The following AMPD3 variants were observed in gnomAD, a reference collection of about 807,000 sequenced individuals.
AMPD3 encodes the protein adenosine monophosphate deaminase 3, also known as AMP deaminase 3.
Under a neutral mutation model 82.3 loss-of-function variants are expected in AMPD3, and 57 were observed. That is an observed-to-expected ratio of 0.69 (90% CI 0.56 to 0.86). The LOEUF (loss-of-function observed/expected upper bound fraction) is 0.86, where lower values mean the gene tolerates loss of function less well. AMPD3 is among the 40% of genes least tolerant of loss of function. The probability of loss-of-function intolerance (pLI) is 0.00; values close to 1 mark genes in which losing one functional copy is unlikely to be tolerated. For synonymous variants in AMPD3, 381 were observed against 394.7 expected, an observed-to-expected ratio of 0.97 and a Z score of 0.41; for missense variants, 870 against 1,003.8, an observed-to-expected ratio of 0.87 and a Z score of 1.80.
Position 10,456,991 on chromosome 11 carries a change from T to TG in AMPD3, c.-6+1543_-6+1544insG, listed in dbSNP as rs1848113922. On this transcript the variant is annotated intron_variant, in intron 1 of 14. Transcript: ENST00000396553. The surrounding 1 kb of genome is among the most constrained non-coding windows in gnomAD (Gnocchi z 4.3). Reference sequence around the variant, plus strand: ...GTTGTTTCTTGCTTTTTTTTTTTTTTTTTTGAGAGAAGGTCTTGCTCTGTC... The same window carrying TG: ...GTTGTTTCTTGCTTTTTTTTTTTTTTGTTTTGAGAGAAGGTCTTGCTCTGTC... Among the ~76,000 whole-genome samples the TG allele has an allele frequency of 6.6e-6, 1 of 150,982 alleles. No homozygotes were observed. Among genetic ancestry groups the TG allele is most frequent in the Admixed American group, 6.6e-5 (1 of 15,224 alleles).
In AMPD3 at chr11:10,495,026, T is replaced by G; in HGVS notation, c.1262T>G (p.Val421Gly). 1 of 1,614,138 alleles carries G rather than the reference T, an allele frequency of 6.2e-7. No individual in the cohort carries two copies. The highest frequency in any genetic ancestry group is 8.5e-7 in the Non-Finnish European group (1 of 1,179,998). ...YLGGEYFARM[V>G]KEVARELEES... ...GGAGGAGAGTACTTTGCTCGGATGG[T>G]CAAGGTGAGTGAACCCTCAGTCTCT... Residue 421 changes from valine (V) to glycine (G), a missense_variant, in exon 8 of 15, where the codon GTC becomes GGC. Transcript: ENST00000396553.
At chr11:10,450,835 G>T, upstream of AMPD3, 1 of 1,193,934 alleles carries the variant, frequency 8.4e-7, no homozygotes, top group African/African-American at 1.6e-5. Context: ...CCCTCCTCCC[G>T]CGGGGCCCTC....
At position 10,456,057 on chromosome 11, in the gene AMPD3, G is replaced by A; in HGVS notation, c.-6+609G>A. ...TTGTAAAGAGGAAGCCGCCGCTTTA[G>A]TTTCCTCTTGTGAGGGCTGTGAAGA... is the stretch of plus-strand genomic sequence containing the variant. On this transcript the variant is annotated intron_variant, in intron 1 of 14. Coordinates refer to ENST00000396553, the MANE Select transcript of AMPD3 (RefSeq NM_001025389.2). The surrounding 1 kb of genome is among the most constrained non-coding windows in gnomAD (Gnocchi z 4.3). 2 of 1,074,296 alleles carry A rather than the reference G, an allele frequency of 1.9e-6. No homozygotes were observed. The highest frequency in any genetic ancestry group is 2.3e-6 in the Non-Finnish European group (2 of 886,472). The allele number at this position is 1,074,296 out of a possible 1,614,324, so 66.5% of individuals were successfully genotyped here. A position where few individuals can be genotyped will look rare whatever the true frequency, so the allele number is the denominator to read the frequency against.
At chr11:10,465,819 G>GT (rs61540424) in intron 2 of AMPD3, among the ~76,000 whole-genome samples, 15,846 of 132,092 alleles carry the variant, frequency 0.12, 1,040 homozygotes, top group Non-Finnish European at 0.14. Flanking sequence ...AGCTGCAGGA[G>GT]TTTTTTTTTT....
chr11:10,504,579 G>T lies in AMPD3; in HGVS notation c.2047G>T (p.Ala683Ser), dbSNP rs1322592842. ...ACTTATGGAAGAATATGCCATTGCA[G>T]CTCAAGTGTGGAAGCTGAGCACCTG... The part of the protein sequence containing the change: ...EALMEEYAIA[A>S]QVWKLSTCDL... The change falls in exon 14 of 15, where the codon GCT becomes TCT. Residue 683 changes from alanine (A) to serine (S), a missense_variant. Coordinates refer to ENST00000396553, the MANE Select transcript of AMPD3 (RefSeq NM_001025389.2). The T allele has an allele frequency of 6.2e-7, 1 of 1,614,220 alleles. No homozygotes were observed. The highest frequency in any genetic ancestry group is 1.7e-5 in the Admixed American group (1 of 60,030).
chr11:10,469,839 A>G (rs983082702), intron 2 of AMPD3, among the ~76,000 whole-genome samples: 7 of 152,088 alleles, frequency 4.6e-5, no homozygotes, highest in African/African-American at 7.2e-5. Flanking sequence ...GGAGATCGAG[A>G]CCATCCCGGC....
At chr11:10,464,419 C>T (rs1157519200) in intron 2 of AMPD3, among the ~76,000 whole-genome samples, 2 of 152,280 alleles carry the variant, frequency 1.3e-5, no homozygotes, top group Admixed American at 1.3e-4. Context: ...GAACTAGAGC[C>T]CATATCTTTT....
chr11:10,504,084 G>T lies in AMPD3; in HGVS notation c.2017-465G>T, dbSNP rs549274375. The T allele has an allele frequency of 3.9e-4, 355 of 907,926 alleles. 3 individuals carry two copies. The African/African-American group carries it at 6.0e-3, about 15-fold the overall frequency. The allele number at this position is 907,926 out of a possible 1,614,324, so 56.2% of individuals were successfully genotyped here. On this transcript the variant is annotated intron_variant, in intron 13 of 14. Coordinates refer to ENST00000396553, the MANE Select transcript of AMPD3 (RefSeq NM_001025389.2). ...TATGATCACTTCTCATTTTTTTTTTGATGTTCCATCTCTGCTTTTAGTACT... is the reference window on the plus strand; with the variant it reads ...TATGATCACTTCTCATTTTTTTTTTTATGTTCCATCTCTGCTTTTAGTACT...
chr11:10,488,350 G>A, intron 6 of AMPD3: 1 of 985,458 alleles, frequency 1.0e-6, no homozygotes, highest in African/African-American at 1.7e-5. Context: ...GGCCAGAACT[G>A]AGCTGACTTA....
intron 14 of AMPD3, 36 bp downstream of exon 14, chr11:10,504,695 G>C (rs748557654): frequency 1.9e-6 from 3 of 1,586,374 alleles, no homozygotes; most frequent in African/African-American, 2.7e-5. Context: ...TGTCCCTCCT[G>C]GGAAGGCTGC....
At chr11:10,470,295 G>C (rs1848551467) in intron 2 of AMPD3, among the ~76,000 whole-genome samples, 1 of 152,084 alleles carries the variant, frequency 6.6e-6, no homozygotes, top group Non-Finnish European at 1.5e-5. Flanking sequence ...CAATAAATTA[G>C]GTATTGATGG....
chr11:10,450,760 C>G (rs1847939333), upstream of AMPD3: 2 of 1,156,480 alleles, frequency 1.7e-6, no homozygotes, highest in East Asian at 8.3e-5. Context: ...CCGCTCCGCG[C>G]CCAGGTAGGG....
rs370121309 is a variant in AMPD3, at chr11:10,456,047, C to T, written c.-6+599C>T. The T allele has an allele frequency of 3.4e-4, 365 of 1,059,348 alleles. 3 individuals carry two copies. In the South Asian group the frequency reaches 0.012, roughly 35 times the overall value. 65.6% of individuals were successfully genotyped at this position (1,059,348 alleles called of 1,614,324 possible). A position where few individuals can be genotyped will look rare whatever the true frequency, so the allele number is the denominator to read the frequency against. ...GAGTTTACTGTTGTAAAGAGGAAGCCGCCGCTTTAGTTTCCTCTTGTGAGG... is the reference window on the plus strand; with the variant it reads ...GAGTTTACTGTTGTAAAGAGGAAGCTGCCGCTTTAGTTTCCTCTTGTGAGG... On this transcript the variant is annotated intron_variant, in intron 1 of 14. Coordinates refer to ENST00000396553, the MANE Select transcript of AMPD3 (RefSeq NM_001025389.2). This position sits in a 1 kb window ranked among gnomAD's most constrained non-coding sequence, Gnocchi z 4.3.
chr11:10,493,757 G>A (rs1297507086), intron 7 of AMPD3: 4 of 638,856 alleles, frequency 6.3e-6, no homozygotes, highest in Non-Finnish European at 1.1e-5. Flanking sequence ...GGCCTGACAG[G>A]TCTAAGCACT....
At position 10,496,793 on chromosome 11, in the gene AMPD3, A is replaced by C; in HGVS notation, c.1431-19A>C. ...GGCTGTTGGATCCACCTGACAAGCG[A>C]GTCTTTGCTGTCCCCCAGTGACATA... On this transcript the variant is annotated intron_variant, in intron 9 of 14. Transcript: ENST00000396553. The C allele has an allele frequency of 6.2e-7, 1 of 1,614,110 alleles. No homozygotes were observed. Among genetic ancestry groups the C allele is most frequent in the Non-Finnish European group, 8.5e-7 (1 of 1,179,998 alleles).
chr11:10,467,347 C>T (rs1013856738), intron 2 of AMPD3, among the ~76,000 whole-genome samples: 7 of 152,134 alleles, frequency 4.6e-5, no homozygotes, highest in African/African-American at 1.7e-4. Flanking sequence ...CAGAAAAACA[C>T]AGCACGAGAA....
At position 10,494,952 on chromosome 11, in the gene AMPD3, G is replaced by T; in HGVS notation, c.1188G>T (p.Val396=). ...AGTTCAACTCCAAATACAACCCTGT[G>T]GGGGCCAGTGAGCTGCGTGACCTGT... ...FDKFNSKYNP[V]GASELRDLYL... is the part of the protein sequence containing the mutation. The change falls in exon 8 of 15, where the codon GTG becomes GTT. Residue 396 remains valine (V), a synonymous_variant. Coordinates refer to ENST00000396553, the MANE Select transcript of AMPD3 (RefSeq NM_001025389.2). 6.2e-7 allele frequency: 1 copy of T among 1,614,224 alleles called. No individual in the cohort carries two copies. Among genetic ancestry groups the T allele is most frequent in the Non-Finnish European group, 8.5e-7 (1 of 1,180,034 alleles).
intron 1 of AMPD3, chr11:10,455,830 G>A (rs1167593828): frequency 1.1e-6 from 1 of 890,680 alleles, no homozygotes; most frequent in Admixed American, 6.2e-5. Flanking sequence ...GCTTTAGGGG[G>A]GCTTTCTGAG....
At chr11:10,481,972 G>C in intron 3 of AMPD3, 91 bp from the exon 4 acceptor site, 1 of 1,544,392 alleles carries the variant, frequency 6.5e-7, no homozygotes, top group East Asian at 2.2e-5. Flanking sequence ...CCAGATACCA[G>C]GCAAGGGCCA....
Sources: allele counts gnomAD v4.1 joint callset (sites outside exome capture counted in the v4.1 genomes callset), GRCh38; gene constraint gnomAD v4.1.1; non-coding constraint Gnocchi (gnomAD v3.1); transcripts MANE v1.5; gene names NCBI Gene and HGNC (gene_info 2026-07-23, HGNC 2026-07-21).